The following ST6GALNAC3 variants were observed in gnomAD, a reference collection of about 807,000 sequenced individuals.
ST6GALNAC3 encodes the protein ST6 N-acetylgalactosaminide alpha-2,6-sialyltransferase 3, also known as alpha-N-acetylgalactosaminide alpha-2,6-sialyltransferase 3.
A neutral mutation model predicts 32.7 loss-of-function variants in ST6GALNAC3; 25 were observed. The ratio of observed to expected loss-of-function variants is 0.76; its 90% CI spans 0.56 to 1.07. The LOEUF (loss-of-function observed/expected upper bound fraction) is 1.07. Ranked by LOEUF, ST6GALNAC3 falls within the 50% of genes least tolerant of loss-of-function variation. The pLI is 0.00. For synonymous variants in ST6GALNAC3, 129 were observed against 133.1 expected (o/e 0.97, Z 0.21); for missense variants, 355 against 382.4 (o/e 0.93, Z 0.60).
intron 1 of ST6GALNAC3, among the ~76,000 whole-genome samples, chr1:76,298,374 A>G (rs1352132360): frequency 6.6e-6 from 1 of 152,030 alleles, no homozygotes; most frequent in African/African-American, 2.4e-5. Flanking sequence ...TTCTAGTGAA[A>G]TATAAAATTA....
chr1:76,401,339 T>C (rs1362066007), intron 2 of ST6GALNAC3, among the ~76,000 whole-genome samples: 2 of 152,188 alleles, frequency 1.3e-5, no homozygotes, highest in African/African-American at 2.4e-5. Flanking sequence ...ATTATATTTA[T>C]CAATTATCGA....
chr1:76,629,463 C>A lies in ST6GALNAC3; in HGVS notation c.*657C>A. ...TCTCAAACACATAAATCAAAATGGGCCAAGTAGCAAATCTTGATGAATTTC... is the reference window on the plus strand; with the variant it reads ...TCTCAAACACATAAATCAAAATGGGACAAGTAGCAAATCTTGATGAATTTC... On this transcript the variant is annotated 3_prime_UTR_variant, in exon 5 of 5. Transcript: ENST00000328299. 1 of 985,536 alleles carries A rather than the reference C, an allele frequency of 1.0e-6. No homozygotes were observed. The highest frequency in any genetic ancestry group is 1.7e-5 in the African/African-American group (1 of 57,274). 61.0% of individuals were successfully genotyped at this position (985,536 alleles called of 1,614,324 possible).
At chr1:76,444,105 A>G (rs1364762751) in intron 3 of ST6GALNAC3, among the ~76,000 whole-genome samples, 1 of 152,236 alleles carries the variant, frequency 6.6e-6, no homozygotes, top group Non-Finnish European at 1.5e-5. Flanking sequence ...GACTTGGTCA[A>G]CTACCTGGCT....
chr1:76,231,243 A>G (rs976219718), intron 1 of ST6GALNAC3, among the ~76,000 whole-genome samples: 1 of 152,248 alleles, frequency 6.6e-6, no homozygotes, highest in African/African-American at 2.4e-5. Flanking sequence ...ACAGATGGCT[A>G]CAGGCAAGAC....
intron 1 of ST6GALNAC3, among the ~76,000 whole-genome samples, chr1:76,304,601 A>C (rs1227321646): frequency 6.6e-6 from 1 of 152,082 alleles, no homozygotes; most frequent in African/African-American, 2.4e-5. Context: ...TGAAACATGG[A>C]GGACAGGAAA....
intron 1 of ST6GALNAC3, among the ~76,000 whole-genome samples, chr1:76,194,206 G>A (rs374933924): frequency 1.6e-4 from 25 of 152,114 alleles, no homozygotes; most frequent in African/African-American, 5.6e-4. Context: ...GGTTCATAAA[G>A]ATATAAAGAT....
intron 3 of ST6GALNAC3, chr1:76,576,906 C>G (rs1646819237): frequency 7.7e-7 from 1 of 1,301,554 alleles, no homozygotes; most frequent in Admixed American, 2.3e-5. Context: ...ATGTCCTGCC[C>G]CACCACAAAA....
downstream of ST6GALNAC3, among the ~76,000 whole-genome samples, chr1:76,635,394 C>T (rs372149577): frequency 6.6e-6 from 1 of 152,110 alleles, no homozygotes; most frequent in Non-Finnish European, 1.5e-5. Flanking sequence ...ATATGCCAGG[C>T]TTATTAAAGG....
chr1:76,178,354 C>T (rs995177824), intron 1 of ST6GALNAC3, among the ~76,000 whole-genome samples: 1 of 152,166 alleles, frequency 6.6e-6, no homozygotes. Flanking sequence ...GCCATTGATT[C>T]CTGGAAGAAA....
chr1:76,248,855 G>A (rs1425452420), intron 1 of ST6GALNAC3, among the ~76,000 whole-genome samples: 1 of 151,878 alleles, frequency 6.6e-6, no homozygotes, highest in Non-Finnish European at 1.5e-5. Context: ...GACACATTAG[G>A]AAGACTGAGA....
At chr1:76,172,849 T>A (rs1652611325) in intron 1 of ST6GALNAC3, among the ~76,000 whole-genome samples, 1 of 152,154 alleles carries the variant, frequency 6.6e-6, no homozygotes, top group South Asian at 2.1e-4. Flanking sequence ...CACAAACGAA[T>A]GGAAAAACAT....
intron 3 of ST6GALNAC3, among the ~76,000 whole-genome samples, chr1:76,446,807 C>T (rs1657006047): frequency 6.6e-6 from 1 of 152,186 alleles, no homozygotes; most frequent in African/African-American, 2.4e-5. Context: ...TTTGCTCCTC[C>T]TTGCCTTCCA....
intron 1 of ST6GALNAC3, among the ~76,000 whole-genome samples, chr1:76,286,895 A>G (rs1471946315): frequency 6.6e-6 from 1 of 152,194 alleles, no homozygotes; most frequent in African/African-American, 2.4e-5. Context: ...AACTGGAGAG[A>G]GATGATCTAT....
In ST6GALNAC3 at chr1:76,561,171, T is replaced by C. The variant is rs571754145; in HGVS notation, c.624-66281T>C. Among the ~76,000 whole-genome samples the C allele has an allele frequency of 3.3e-5, 5 of 152,112 alleles. No homozygotes were observed. In the East Asian group the frequency reaches 7.7e-4, roughly 23 times the overall value. On this transcript the variant is annotated intron_variant, in intron 3 of 4. Transcript: ENST00000328299. ...ACCAAAGGAATAGAATTCATGGAGATAGAGAGTAGAACGATGGTTACCAGA... is the reference window on the plus strand; with the variant it reads ...ACCAAAGGAATAGAATTCATGGAGACAGAGAGTAGAACGATGGTTACCAGA...
At chr1:76,309,828 C>T (rs1370515705) in intron 1 of ST6GALNAC3, 1 of 395,436 alleles carries the variant, frequency 2.5e-6, no homozygotes, top group Non-Finnish European at 5.1e-6. Context: ...CTGGTTGCTC[C>T]CTTCACCCTC....
chr1:76,553,649 C>T (rs1201465237), intron 3 of ST6GALNAC3, among the ~76,000 whole-genome samples: 1 of 150,384 alleles, frequency 6.6e-6, no homozygotes, highest in South Asian at 2.1e-4. Flanking sequence ...TGCTCTTATT[C>T]CCTTACAGCC....
At chr1:76,143,005 G>A (rs189752349) in intron 1 of ST6GALNAC3, 29 of 348,822 alleles carry the variant, frequency 8.3e-5, no homozygotes, top group African/African-American at 6.1e-4. Context: ...GGCAAAGGAG[G>A]GATTACTTTC....
intron 3 of ST6GALNAC3, among the ~76,000 whole-genome samples, chr1:76,501,667 G>T (rs1571434892): frequency 6.6e-6 from 1 of 152,198 alleles, no homozygotes; most frequent in South Asian, 2.1e-4. Flanking sequence ...CCTAAATAAG[G>T]ACACCTCAAA....
At chr1:76,134,685 C>T (rs942365016) in intron 1 of ST6GALNAC3, among the ~76,000 whole-genome samples, 1 of 152,178 alleles carries the variant, frequency 6.6e-6, no homozygotes, top group Non-Finnish European at 1.5e-5. Context: ...AGGTGCAGCA[C>T]CTGAACTCCT....
Sources: allele counts gnomAD v4.1 joint callset (sites outside exome capture counted in the v4.1 genomes callset), GRCh38; gene constraint gnomAD v4.1.1; transcripts MANE v1.5; gene names NCBI Gene and HGNC (gene_info 2026-07-23, HGNC 2026-07-21).